ACTR3: variants seen among roughly 807,000 people sequenced by gnomAD.
ACTR3 encodes actin related protein 3, also known as actin-related protein 3.
Under a neutral mutation model 56.8 loss-of-function variants are expected in ACTR3, and 12 were observed. That is an observed-to-expected ratio of 0.21 (90% CI 0.14 to 0.34). The LOEUF is 0.34. ACTR3 is among the 10% of genes least tolerant of loss of function. The pLI is 1.00. For synonymous variants in ACTR3, 162 were observed against 167.4 expected, an observed-to-expected ratio of 0.97 and a Z score of 0.25; for missense variants, 282 against 512.5, an observed-to-expected ratio of 0.55 and a Z score of 4.34.
intron 2 of ACTR3, among the ~76,000 whole-genome samples, chr2:113,913,646 A>C (rs1245440874): frequency 6.6e-6 from 1 of 152,188 alleles, no homozygotes; most frequent in African/African-American, 2.4e-5. Flanking sequence ...CTAAGTGCCC[A>C]TGTTTCAAAA....
intron 1 of ACTR3, chr2:113,890,721 C>T: frequency 9.3e-7 from 1 of 1,078,316 alleles, no homozygotes; most frequent in East Asian, 6.5e-5. Flanking sequence ...TTTGGGGACC[C>T]AGGGGCCGAG....
At chr2:113,917,396 CTCTTTT>C (rs1679426728) in intron 3 of ACTR3, among the ~76,000 whole-genome samples, 1 of 152,172 alleles carries the variant, frequency 6.6e-6, no homozygotes, top group African/African-American at 2.4e-5. Context: ...CTCTTTCTCC[CTCTTTT>C]TCTTTTTCCC....
chr2:113,937,429 C>T (rs915041723), intron 6 of ACTR3, among the ~76,000 whole-genome samples: 1 of 152,096 alleles, frequency 6.6e-6, no homozygotes, highest in African/African-American at 2.4e-5. Flanking sequence ...CTTTTATTCA[C>T]GTACCATATC....
chr2:113,933,699 A>ATTTTTTT (rs1679766560), intron 5 of ACTR3, among the ~76,000 whole-genome samples: 1 of 72,200 alleles, frequency 1.4e-5, no homozygotes. Context: ...TTTTTTTTTG[A>ATTTTTTT]GATGGAGTCT....
At chr2:113,950,802 CATACCTG>C (rs1258970714) in intron 8 of ACTR3, 1 of 146,314 alleles carries the variant, frequency 6.8e-6, no homozygotes, top group African/African-American at 2.4e-5. Flanking sequence ...CTAATAAAGA[CATACCTG>C]AGACTGGGCA....
chr2:113,900,216 T>C (rs1161910923), intron 1 of ACTR3, among the ~76,000 whole-genome samples: 2 of 152,142 alleles, frequency 1.3e-5, no homozygotes, highest in South Asian at 2.1e-4. Context: ...ATGCCACTTA[T>C]TGGAATCCAA....
At chr2:113,890,824 G>C in intron 1 of ACTR3, 2 of 988,638 alleles carry the variant, frequency 2.0e-6, no homozygotes, top group Non-Finnish European at 2.4e-6. Context: ...CCAGGGTGTG[G>C]GTGGGGAAAG....
intron 4 of ACTR3, among the ~76,000 whole-genome samples, chr2:113,930,866 A>G (rs935441741): frequency 5.1e-4 from 77 of 152,204 alleles, no homozygotes; most frequent in Non-Finnish European, 7.8e-4. Flanking sequence ...GTAATCCTAT[A>G]TACTTCGGGG....
intron 3 of ACTR3, among the ~76,000 whole-genome samples, chr2:113,922,408 T>C (rs1679527404): frequency 6.6e-6 from 1 of 152,234 alleles, no homozygotes; most frequent in South Asian, 2.1e-4. Context: ...AAAGGCTAAG[T>C]ATGGAATCCA....
intron 5 of ACTR3, among the ~76,000 whole-genome samples, chr2:113,932,318 G>A (rs1679738864): frequency 6.6e-6 from 1 of 152,112 alleles, no homozygotes; most frequent in African/African-American, 2.4e-5. Context: ...TGAGTGGGAG[G>A]CCCTTTTTTA....
chr2:113,951,963 A>G (rs184896123), intron 10 of ACTR3, 118 bp downstream of exon 10: 1,401 of 1,273,954 alleles, frequency 1.1e-3, no homozygotes, highest in African/African-American at 2.0e-3. Context: ...CAGGTATTCT[A>G]ATGGAAATGG....
intron 1 of ACTR3, among the ~76,000 whole-genome samples, chr2:113,910,162 A>G (rs1574356933): frequency 6.6e-6 from 1 of 151,978 alleles, no homozygotes; most frequent in African/African-American, 2.4e-5. Flanking sequence ...CCACCCTCCA[A>G]CCACTGGGGC....
intron 5 of ACTR3, 36 bp downstream of exon 5, chr2:113,931,432 C>A: frequency 2.2e-6 from 3 of 1,372,032 alleles, no homozygotes; most frequent in Non-Finnish European, 2.0e-6. Flanking sequence ...TTGATTCTTA[C>A]ATTTTAACCT....
intron 1 of ACTR3, among the ~76,000 whole-genome samples, chr2:113,911,999 C>G (rs1191799684): frequency 6.6e-6 from 1 of 152,098 alleles, no homozygotes; most frequent in Non-Finnish European, 1.5e-5. Context: ...CTCAGCCTCC[C>G]AAAGTGCTGG....
chr2:113,898,857 A>G (rs1425005788), intron 1 of ACTR3, among the ~76,000 whole-genome samples: 1 of 152,170 alleles, frequency 6.6e-6, no homozygotes, highest in African/African-American at 2.4e-5. Flanking sequence ...ACCTTTTCAG[A>G]AGCCCTGTGA....
intron 8 of ACTR3, among the ~76,000 whole-genome samples, chr2:113,944,710 C>G (rs187439636): frequency 2.6e-5 from 4 of 151,548 alleles, no homozygotes; most frequent in Non-Finnish European, 5.9e-5. Context: ...TGCAGTGAGC[C>G]GAGATCACGC....
chr2:113,916,831 T>C, intron 2 of ACTR3, 53 bp from the exon 3 acceptor site: 2 of 1,518,778 alleles, frequency 1.3e-6, no homozygotes, highest in Non-Finnish European at 1.8e-6. Flanking sequence ...AAGGTAAAAG[T>C]TTTTCTCATT....
rs1417774135 is a variant in ACTR3 at position 113,951,792 on chromosome 2, A to G, written c.1024A>G (p.Thr342Ala). 6.2e-7 allele frequency: 1 copy of G among 1,613,800 alleles called. No homozygotes were observed. Among genetic ancestry groups the G allele is most frequent in the East Asian group, 2.2e-5 (1 of 44,874 alleles). Reference sequence around the variant, plus strand: ...TCGCTTGCAAAGAGATTTGAAAAGAACTGTAGATGCCCGGCTGAAATTAAG... The same window carrying G: ...TCGCTTGCAAAGAGATTTGAAAAGAGCTGTAGATGCCCGGCTGAAATTAAG... ...GRRLQRDLKR[T>A]VDARLKLSEE... The change falls in exon 10 of 12, where the codon ACT becomes GCT. Residue 342 changes from threonine (T) to alanine (A), a missense_variant. Coordinates refer to ENST00000263238, the MANE Select transcript of ACTR3 (RefSeq NM_005721.5).
Position 113,913,212 on chromosome 2 carries a change from T to A in ACTR3, c.85T>A (p.Phe29Ile). The change falls in exon 2 of 12, where the codon TTT (phenylalanine) becomes ATT (isoleucine). Residue 29 changes from phenylalanine (F) to isoleucine (I), a missense_variant. Transcript: ENST00000263238. ...ATATGCTGGAAATACAGAACCACAG[T>A]TTATCATCCCTTCCTGTAAGTATTT... Reference protein sequence around the residue: ...LGYAGNTEPQFIIPSCIAIKE... With the variant: ...LGYAGNTEPQIIIPSCIAIKE... 2 of 1,592,934 alleles carry A rather than the reference T, an allele frequency of 1.3e-6. No homozygotes were observed. Among genetic ancestry groups the A allele is most frequent in the Non-Finnish European group, 1.7e-6 (2 of 1,170,032 alleles).
Sources: gnomAD v4.1 joint callset for allele counts (sites outside exome capture counted in the v4.1 genomes callset) on GRCh38, gnomAD v4.1.1 for gene constraint, MANE v1.5 for transcripts, NCBI Gene and HGNC (gene_info 2026-07-23, HGNC 2026-07-21) for gene names.